Variants in SNX2 observed in about 807,000 individuals in gnomAD.
SNX2 encodes sorting nexin 2, also known as sorting nexin-2.
Under a neutral mutation model 69.9 loss-of-function variants are expected in SNX2, and 25 were observed. That is an observed-to-expected ratio of 0.36 (90% CI 0.26 to 0.50). The LOEUF (loss-of-function observed/expected upper bound fraction) is 0.50, where lower values mean the gene tolerates loss of function less well. Ranked by LOEUF, SNX2 falls within the 20% of genes least tolerant of loss-of-function variation. SNX2 has a pLI of 0.97. For synonymous variants in SNX2, 229 were observed against 200.4 expected (o/e 1.14, Z -1.20); for missense variants, 551 against 613.3 (o/e 0.90, Z 1.07).
chr5:122,821,502 C>G (rs1554064164), intron 11 of SNX2, among the ~76,000 whole-genome samples: 2 of 150,522 alleles, frequency 1.3e-5, no homozygotes, highest in Non-Finnish European at 2.9e-5. Context: ...GTCGCCCAGG[C>G]TGGAGTGCAG....
intron 1 of SNX2, among the ~76,000 whole-genome samples, chr5:122,781,940 A>G (rs891587663): frequency 1.4e-4 from 21 of 152,240 alleles, no homozygotes; most frequent in Admixed American, 6.5e-4. Flanking sequence ...ACTATTACCT[A>G]TGCTCTTGAG....
chr5:122,824,864 C>T (rs965157385), intron 11 of SNX2, among the ~76,000 whole-genome samples: 1 of 152,176 alleles, frequency 6.6e-6, no homozygotes, highest in Admixed American at 6.5e-5. Flanking sequence ...GATTATTAAG[C>T]ATCCACTAGG....
At chr5:122,789,051 G>A (rs1753151499) in intron 1 of SNX2, among the ~76,000 whole-genome samples, 1 of 152,048 alleles carries the variant, frequency 6.6e-6, no homozygotes, top group Non-Finnish European at 1.5e-5. Flanking sequence ...ATCCTCTGGA[G>A]ACTATTGGGA....
At chr5:122,816,464 A>AT (rs540144919) in intron 8 of SNX2, among the ~76,000 whole-genome samples, 51 of 152,194 alleles carry the variant, frequency 3.4e-4, no homozygotes, top group African/African-American at 1.2e-3. Flanking sequence ...TCTAGTTTGC[A>AT]TTTTTTTCTT....
At chr5:122,786,415 C>T (rs763462289) in intron 1 of SNX2, among the ~76,000 whole-genome samples, 3 of 151,610 alleles carry the variant, frequency 2.0e-5, no homozygotes, top group Non-Finnish European at 4.4e-5. Context: ...TTCCTTTTCT[C>T]CTTTCTTGTG....
At position 122,783,718 on chromosome 5, in the gene SNX2, T is replaced by G. The variant is rs1240039923; in HGVS notation, c.108+8507T>G. Among the ~76,000 whole-genome samples the G allele has an allele frequency of 3.9e-5, 6 of 152,284 alleles. No homozygotes were observed. In the Middle Eastern group the frequency reaches 0.017, roughly 432 times the overall value. On this transcript the variant is annotated intron_variant, in intron 1 of 14. Coordinates refer to ENST00000379516, the MANE Select transcript of SNX2 (RefSeq NM_003100.4). ...AATCAAGTCGAATGACTCCTCTAAC[T>G]TTGTTATTTTAAAAATTGCCTTGGC... is the stretch of plus-strand genomic sequence containing the variant.
In SNX2 at chr5:122,805,290, CAA is replaced by C. The variant is rs767897080; in HGVS notation, c.643+1693_643+1694del. On this transcript the variant is annotated intron_variant, in intron 6 of 14. Transcript: ENST00000379516. ...TGGGCAGAAGAGCGAGACTCCATCT[CAA>C]AAAAAAAAAAAAAAAGAATTTTGCT... Among the ~76,000 whole-genome samples the C allele has an allele frequency of 1.0e-3, 90 of 88,224 alleles. 2 individuals carry two copies. Among genetic ancestry groups the C allele is most frequent in the South Asian group, 4.0e-3 (11 of 2,784 alleles). The allele number at this position is 88,224 out of a possible 152,430, so 57.9% of individuals were successfully genotyped here. A position where few individuals can be genotyped will look rare whatever the true frequency, so the allele number is the denominator to read the frequency against.
chr5:122,814,696 ATAT>A (rs991805595), intron 7 of SNX2, among the ~76,000 whole-genome samples: 3 of 152,104 alleles, frequency 2.0e-5, no homozygotes, highest in Non-Finnish European at 4.4e-5. Context: ...GCGAGGAAAA[ATAT>A]TATAACTGAA....
In SNX2 at chr5:122,813,843, G is replaced by A. The variant is rs549269651; in HGVS notation, c.723-2053G>A. Among the ~76,000 whole-genome samples the A allele has an allele frequency of 1.0e-4, 15 of 143,208 alleles. No homozygotes were observed. In the South Asian group the frequency reaches 1.3e-3, roughly 13 times the overall value. The allele number at this position is 143,208 out of a possible 152,430, so 94.0% of individuals were successfully genotyped here. ...GGCTAGAGTGCAATGGTGCAATCTC[G>A]GCTCACTGCAACCTCCGTCTCCTGG... On this transcript the variant is annotated intron_variant, in intron 7 of 14. Transcript: ENST00000379516.
chr5:122,823,955 A>C (rs1396681051), intron 11 of SNX2, among the ~76,000 whole-genome samples: 1 of 152,020 alleles, frequency 6.6e-6, no homozygotes, highest in Non-Finnish European at 1.5e-5. Flanking sequence ...TAATCCCAGC[A>C]CTTTGGGAGG....
At chr5:122,806,132 A>G (rs544589281) in intron 6 of SNX2, among the ~76,000 whole-genome samples, 4,113 of 63,638 alleles carry the variant, frequency 0.065, 117 homozygotes, top group East Asian at 0.23. Flanking sequence ...ATATATATAC[A>G]CACGCGCGCG....
intron 1 of SNX2, among the ~76,000 whole-genome samples, chr5:122,778,088 C>T (rs1333498977): frequency 6.6e-6 from 1 of 152,122 alleles, no homozygotes; most frequent in African/African-American, 2.4e-5. Flanking sequence ...TCTTTCTGTG[C>T]CTGGCTTATT....
chr5:122,803,648 AC>A, intron 6 of SNX2, 35 bp downstream of exon 6: 1 of 1,543,838 alleles, frequency 6.5e-7, no homozygotes, highest in Non-Finnish European at 8.8e-7. Flanking sequence ...AATTTTTGTT[AC>A]TGTTACTAGT....
chr5:122,791,388 T>G lies in SNX2; in HGVS notation c.109-3878T>G, dbSNP rs367731389. 3.8e-3 allele frequency among the ~76,000 whole-genome samples: 579 copies of G among 152,174 alleles called. 7 individuals are homozygous for G. Among genetic ancestry groups the G allele is most frequent in the African/African-American group, 0.012 (518 of 41,530 alleles). On this transcript the variant is annotated intron_variant, in intron 1 of 14. Coordinates refer to ENST00000379516, the MANE Select transcript of SNX2 (RefSeq NM_003100.4). ...CCTCTGCCTCCCGGGTTCCAAAGAT[T>G]CTCCTGCCTCAGCCTCCTGGGTAGC...
At position 122,789,474 on chromosome 5, in the gene SNX2, G is replaced by GACACACACACACACACACAC. The variant is rs60199625; in HGVS notation, c.109-5781_109-5762dup. On this transcript the variant is annotated intron_variant, in intron 1 of 14. Transcript: ENST00000379516. ...ACACACACACACACAGACACACACG[G>GACACACACACACACACACAC]ACACACACACACACACACACACACA... Among the ~76,000 whole-genome samples the GACACACACACACACACACAC allele has an allele frequency of 1.5e-4, 22 of 144,710 alleles. No homozygotes were observed. In the East Asian group the frequency reaches 2.3e-3, roughly 15 times the overall value. The allele number at this position is 144,710 out of a possible 152,430, so 94.9% of individuals were successfully genotyped here.
At chr5:122,786,597 C>T (rs1319811507) in intron 1 of SNX2, among the ~76,000 whole-genome samples, 1 of 151,884 alleles carries the variant, frequency 6.6e-6, no homozygotes, top group Non-Finnish European at 1.5e-5. Context: ...GTTCATTTAC[C>T]TTCCCTCCTT....
At chr5:122,801,598 C>CT (rs1350705753) in intron 3 of SNX2, among the ~76,000 whole-genome samples, 4 of 109,008 alleles carry the variant, frequency 3.7e-5, no homozygotes, top group African/African-American at 1.6e-4. Context: ...GAGCAAGACT[C>CT]TATCTTTAAA....
intron 11 of SNX2, among the ~76,000 whole-genome samples, chr5:122,824,943 C>G (rs954211978): frequency 1.3e-5 from 2 of 152,144 alleles, no homozygotes; most frequent in African/African-American, 2.4e-5. Flanking sequence ...TCACTTCCCA[C>G]CTTTCGTATT....
rs747860931 is a variant in SNX2, at chr5:122,827,567, T to G, written c.1438-8T>G. 1 of 1,612,254 alleles carries G rather than the reference T, an allele frequency of 6.2e-7. No individual in the cohort carries two copies. Among genetic ancestry groups the G allele is most frequent in the South Asian group, 1.1e-5 (1 of 90,980 alleles). On this transcript the variant is annotated splice_region_variant and splice_polypyrimidine_tract_variant and intron_variant, in intron 13 of 14. Coordinates refer to ENST00000379516, the MANE Select transcript of SNX2 (RefSeq NM_003100.4). Reference sequence around the variant, plus strand: ...TACTAACGGACTTTTTAAAATGTACTTCAACAGAAAGAACGAGTGAAGGAT... The same window carrying G: ...TACTAACGGACTTTTTAAAATGTACGTCAACAGAAAGAACGAGTGAAGGAT...
Sources: allele counts gnomAD v4.1 joint callset (sites outside exome capture counted in the v4.1 genomes callset), GRCh38; gene constraint gnomAD v4.1.1; transcripts MANE v1.5; gene names NCBI Gene and HGNC (gene_info 2026-07-23, HGNC 2026-07-21).